The following TRAM2 variants were observed in gnomAD, a reference collection of about 807,000 sequenced individuals.
TRAM2 encodes translocating chain-associated membrane protein 2.
A neutral mutation model predicts 51.0 loss-of-function variants in TRAM2; 12 were observed. That is an observed-to-expected ratio of 0.24 (90% CI 0.15 to 0.38). The LOEUF (loss-of-function observed/expected upper bound fraction) is 0.38. Among genes scored for constraint, TRAM2 ranks in the 10% least tolerant of loss-of-function variants. TRAM2 has a pLI of 1.00. For synonymous variants in TRAM2, 175 were observed against 179.4 expected, an observed-to-expected ratio of 0.98 and a Z score of 0.20; for missense variants, 361 against 462.0, an observed-to-expected ratio of 0.78 and a Z score of 2.00.
chr6:52,545,751 T>A (rs1383239527), intron 1 of TRAM2, among the ~76,000 whole-genome samples: 1 of 152,094 alleles, frequency 6.6e-6, no homozygotes, highest in Non-Finnish European at 1.5e-5. Context: ...AGATCCATCT[T>A]AAAATTCCAC....
At chr6:52,523,918 C>T (rs983507757) in intron 2 of TRAM2, 1 of 152,264 alleles carries the variant, frequency 6.6e-6, no homozygotes, top group Non-Finnish European at 1.5e-5. Context: ...TAAAAACACG[C>T]ATTCTTGGGC....
In TRAM2 at chr6:52,538,343, A is replaced by C. The variant is rs531686527; in HGVS notation, c.121-2497T>G. Among the ~76,000 whole-genome samples, 55 of 152,226 alleles carry C rather than the reference A, an allele frequency of 3.6e-4. 1 individual carries two copies. The South Asian group carries it at 0.011, about 30-fold the overall frequency. On this transcript the variant is annotated intron_variant, in intron 1 of 10. Transcript: ENST00000182527. ...CTCTTAATGGCACCAGGGTTTCCTG[A>C]GGGAAGCCTCTCTCCAGCTGTGTGT... is the stretch of plus-strand genomic sequence containing the variant.
At chr6:52,538,345 G>A (rs977831673) in intron 1 of TRAM2, among the ~76,000 whole-genome samples, 7 of 152,170 alleles carry the variant, frequency 4.6e-5, no homozygotes, top group Admixed American at 3.9e-4. Context: ...GTTTCCTGAG[G>A]GAAGCCTCTC....
At chr6:52,551,459 T>C (rs868735878) in intron 1 of TRAM2, among the ~76,000 whole-genome samples, 10 of 152,246 alleles carry the variant, frequency 6.6e-5, no homozygotes, top group African/African-American at 1.7e-4. Flanking sequence ...GTTTTCAGGA[T>C]AGAGCAGCAA....
intron 1 of TRAM2, among the ~76,000 whole-genome samples, chr6:52,550,308 T>C (rs1767285150): frequency 6.6e-6 from 1 of 152,184 alleles, no homozygotes; most frequent in African/African-American, 2.4e-5. Context: ...CCCTTCAAGC[T>C]TAGGGATAGC....
At chr6:52,536,766 G>A (rs562952253) in intron 1 of TRAM2, among the ~76,000 whole-genome samples, 45 of 152,248 alleles carry the variant, frequency 3.0e-4, no homozygotes, top group Non-Finnish European at 5.7e-4. Context: ...ATGTGCAGGT[G>A]GGCCTGAGAA....
chr6:52,517,095 C>G (rs1377085389), intron 2 of TRAM2: 2 of 206,872 alleles, frequency 9.7e-6, no homozygotes, highest in African/African-American at 2.3e-5. Context: ...AAGGACTAAC[C>G]TCTTTGAGCC....
intron 1 of TRAM2, among the ~76,000 whole-genome samples, chr6:52,573,163 C>T (rs544848047): frequency 6.6e-6 from 1 of 152,134 alleles, no homozygotes; most frequent in Non-Finnish European, 1.5e-5. Flanking sequence ...CCTTTTTCCT[C>T]ATTCTCCATT....
intron 7 of TRAM2, among the ~76,000 whole-genome samples, chr6:52,507,043 C>T (rs1766362638): frequency 6.6e-6 from 1 of 152,202 alleles, no homozygotes; most frequent in Non-Finnish European, 1.5e-5. Context: ...ATAAAAGAGG[C>T]TCTTCGAGAA....
At chr6:52,558,712 C>A (rs1186078213) in intron 1 of TRAM2, among the ~76,000 whole-genome samples, 13 of 152,030 alleles carry the variant, frequency 8.6e-5, no homozygotes, top group Non-Finnish European at 1.5e-5. Context: ...AATTAGGTGA[C>A]CTCCCATACA....
intron 2 of TRAM2, 193 bp from the exon 3 acceptor site, chr6:52,516,930 A>T (rs6917085): frequency 0.76 from 448,577 of 588,600 alleles, 171,647 homozygotes; most frequent in East Asian, 0.85. Context: ...GCACCAATGG[A>T]GATGGCTAAG....
chr6:52,507,487 G>C (rs1330181344), intron 7 of TRAM2, 66 bp downstream of exon 7: 16 of 1,502,366 alleles, frequency 1.1e-5, no homozygotes, highest in Non-Finnish European at 1.4e-5. Flanking sequence ...AATTATATGA[G>C]TGTGTGGACA....
At chr6:52,559,266 C>T (rs1045024454) in intron 1 of TRAM2, among the ~76,000 whole-genome samples, 4 of 152,320 alleles carry the variant, frequency 2.6e-5, no homozygotes, top group African/African-American at 7.2e-5. Flanking sequence ...GTGTAACAGA[C>T]GCGACGGATT....
chr6:52,559,504 G>A (rs1767462952), intron 1 of TRAM2, among the ~76,000 whole-genome samples: 1 of 152,192 alleles, frequency 6.6e-6, no homozygotes, highest in Non-Finnish European at 1.5e-5. Context: ...TAAAAAGGGA[G>A]GCACCACAGT....
At chr6:52,554,602 T>C (rs999693311) in intron 1 of TRAM2, among the ~76,000 whole-genome samples, 1 of 151,924 alleles carries the variant, frequency 6.6e-6, no homozygotes, top group Non-Finnish European at 1.5e-5. Context: ...GGTAACTTAT[T>C]TCCACAGCCT....
rs2114115542 is a variant in TRAM2 at position 52,576,987 on chromosome 6, A to C, written c.-72T>G. ...GAACCGCAGCGCAAACTTCTCCAGC[A>C]CCGGCCCGGTCCGCCCGCCGGCCCG... On this transcript the variant is annotated 5_prime_UTR_variant, in exon 1 of 11. Coordinates refer to ENST00000182527, the MANE Select transcript of TRAM2 (RefSeq NM_012288.4). The C allele has an allele frequency of 7.1e-7, 1 of 1,400,940 alleles. No homozygotes were observed. Among genetic ancestry groups the C allele is most frequent in the South Asian group, 1.5e-5 (1 of 65,258 alleles). 86.8% of individuals were successfully genotyped at this position (1,400,940 alleles called of 1,614,324 possible).
intron 1 of TRAM2, among the ~76,000 whole-genome samples, chr6:52,574,521 A>G (rs1362792019): frequency 1.3e-5 from 2 of 152,178 alleles, no homozygotes; most frequent in Non-Finnish European, 2.9e-5. Context: ...AGTACCTCCA[A>G]AAGAAGGAGA....
chr6:52,502,890 C>A lies in TRAM2; in HGVS notation c.*307G>T. ...GCCATAAGGCAAGAGACAGAGCAAG[C>A]AGAAAGGTGCCAGCCATGGGCGCCT... is the stretch of plus-strand genomic sequence containing the variant. On this transcript the variant is annotated 3_prime_UTR_variant, in exon 11 of 11. Transcript: ENST00000182527. 1 of 391,776 alleles carries A rather than the reference C, an allele frequency of 2.6e-6. No individual in the cohort carries two copies. Among genetic ancestry groups the A allele is most frequent in the Non-Finnish European group, 4.6e-6 (1 of 217,614 alleles). The allele number at this position is 391,776 out of a possible 1,614,324, so 24.3% of individuals were successfully genotyped here. A position where few individuals can be genotyped will look rare whatever the true frequency, so the allele number is the denominator to read the frequency against.
chr6:52,503,200 G>T lies in TRAM2; in HGVS notation c.1110C>A (p.Pro370=). 6.2e-7 allele frequency: 1 copy of T among 1,613,636 alleles called. No individual in the cohort carries two copies. Among genetic ancestry groups the T allele is most frequent in the Non-Finnish European group, 8.5e-7 (1 of 1,179,768 alleles). The change falls in exon 11 of 11, where the codon CCC becomes CCA. Residue 370 remains proline (P), a synonymous_variant. Transcript: ENST00000182527. ...TCCTGTTCTTAGCACTTTGGCCTTA[G>T]GGAGACTTGAGTTTCTTAGTCCGTG... is the stretch of plus-strand genomic sequence containing the variant. The part of the protein sequence containing the change: ...TSPRTKKLKS[P]
Sources: allele counts gnomAD v4.1 joint callset (sites outside exome capture counted in the v4.1 genomes callset), GRCh38; gene constraint gnomAD v4.1.1; transcripts MANE v1.5; gene names NCBI Gene and HGNC (gene_info 2026-07-23, HGNC 2026-07-21).